ZKSCAN1: variants seen among roughly 807,000 people sequenced by gnomAD.
ZKSCAN1 encodes zinc finger with KRAB and SCAN domains 1, also known as zinc finger protein with KRAB and SCAN domains 1.
Under a neutral mutation model 51.6 loss-of-function variants are expected in ZKSCAN1, and 14 were observed. That is an observed-to-expected ratio of 0.27 (90% CI 0.18 to 0.42). ZKSCAN1 has a LOEUF of 0.42. Ranked by LOEUF, ZKSCAN1 falls within the 10% of genes least tolerant of loss-of-function variation. The probability of loss-of-function intolerance (pLI) is 1.00; values close to 1 mark genes in which losing one functional copy is unlikely to be tolerated. For missense variants in ZKSCAN1, 531 were observed against 710.0 expected (o/e 0.75, Z 2.86); for synonymous variants, 263 against 261.5 (o/e 1.01, Z -0.06).
chr7:100,030,255 G>C lies in ZKSCAN1; in HGVS notation c.679G>C (p.Val227Leu). The change falls in exon 5 of 6, where the codon GTG becomes CTG. Residue 227 changes from valine to leucine, a missense_variant. Physicochemically the swap from Val to Leu is conservative, Grantham distance 32 (BLOSUM62 1). Around this residue, in one of 2 missense-constraint regions of ZKSCAN1, gnomAD observed 403 missense variants for 490.5 expected, o/e 0.82. Transcript: ENST00000324306. ...ALFTADSQAM[V>L]KIEDMAVSLI... ...TTGTCTCGTGTTATTTTAGGCAATGGTGAAGATCGAGGACATGGCTGTGTC... is the reference window on the plus strand; with the variant it reads ...TTGTCTCGTGTTATTTTAGGCAATGCTGAAGATCGAGGACATGGCTGTGTC... 6.2e-7 allele frequency: 1 copy of C among 1,614,038 alleles called. No homozygotes were observed. Among genetic ancestry groups the C allele is most frequent in the Non-Finnish European group, 8.5e-7 (1 of 1,179,956 alleles).
Position 100,040,551 on chromosome 7 carries a change from G to C in ZKSCAN1, c.*6354G>C. The C allele has an allele frequency of 1.0e-6, 1 of 985,444 alleles. No homozygotes were observed. Among genetic ancestry groups the C allele is most frequent in the Non-Finnish European group, 1.2e-6 (1 of 829,932 alleles). 61.0% of individuals were successfully genotyped at this position (985,444 alleles called of 1,614,324 possible). ...GATTTCATTCCAGTGTCAGGTTTGG[G>C]TTTTAAGTTCCTTTGGTCCAGGGAA... On this transcript the variant is annotated 3_prime_UTR_variant, in exon 6 of 6. Coordinates refer to ENST00000324306, the MANE Select transcript of ZKSCAN1 (RefSeq NM_003439.4).
At chr7:100,016,661 TC>T (rs1352399277) in intron 1 of ZKSCAN1, among the ~76,000 whole-genome samples, 1 of 152,156 alleles carries the variant, frequency 6.6e-6, no homozygotes, top group Non-Finnish European at 1.5e-5. Flanking sequence ...ATCCCTCCCC[TC>T]CCTTTCCTGC....
Position 100,033,386 on chromosome 7 carries a change from C to A in ZKSCAN1, c.881C>A (p.Thr294Lys), listed in dbSNP as rs1791199396. 6.2e-7 allele frequency: 1 copy of A among 1,613,872 alleles called. No individual in the cohort carries two copies. The highest frequency in any genetic ancestry group is 8.5e-7 in the Non-Finnish European group (1 of 1,180,018). The part of the protein sequence containing the change: ...SEDSASRGET[T>K]GRSQKEFGEK... ...GATTCAGCATCACGCGGGGAGACAA[C>A]AGGAAGATCCCAGAAAGAGTTTGGA... The change falls in exon 6 of 6, where the codon ACA (threonine) becomes AAA (lysine). Residue 294 changes from threonine to lysine, a missense_variant. By Grantham distance (78) the Thr-to-Lys change is moderately conservative. Coordinates refer to ENST00000324306, the MANE Select transcript of ZKSCAN1 (RefSeq NM_003439.4). The surrounding 1 kb of genome is among the most constrained non-coding windows in gnomAD (Gnocchi z 4.1).
intron 1 of ZKSCAN1, among the ~76,000 whole-genome samples, chr7:100,020,873 C>T (rs960677896): frequency 1.4e-4 from 21 of 152,096 alleles, no homozygotes; most frequent in Admixed American, 2.0e-4. Context: ...AGAATAAATT[C>T]AGAAAGATTT....
At chr7:100,022,716 C>T (rs1039637919) in intron 1 of ZKSCAN1, among the ~76,000 whole-genome samples, 3 of 152,152 alleles carry the variant, frequency 2.0e-5, no homozygotes, top group African/African-American at 7.2e-5. Flanking sequence ...TCAGTTATGT[C>T]ATTTGTAAAA....
At chr7:100,031,228 A>G (rs1791088348) in intron 5 of ZKSCAN1, among the ~76,000 whole-genome samples, 1 of 151,320 alleles carries the variant, frequency 6.6e-6, no homozygotes, top group Non-Finnish European at 1.5e-5. Context: ...TCAGGCATAA[A>G]TGGGGCTTAT....
Position 100,024,483 on chromosome 7 carries a change from A to G in ZKSCAN1, c.580+176A>G, listed in dbSNP as rs1047086717. 6.4e-6 allele frequency: 5 copies of G among 784,344 alleles called. No homozygotes were observed. In the African/African-American group the frequency reaches 8.8e-5, roughly 14 times the overall value. 48.6% of individuals were successfully genotyped at this position (784,344 alleles called of 1,614,324 possible). ...GTGGCGCACACCTGTGATTCCAGCT[A>G]CGCAGGAGGCTGAGGTGGGAGGATT... On this transcript the variant is annotated intron_variant, in intron 3 of 5. Transcript: ENST00000324306.
At position 100,034,404 on chromosome 7, in the gene ZKSCAN1, G is replaced by A. The variant is rs2115945030; in HGVS notation, c.*207G>A. On this transcript the variant is annotated 3_prime_UTR_variant, in exon 6 of 6. Transcript: ENST00000324306. ...CTTCCACACAGCCCCTGCAGGGAAA[G>A]GCTAATCTTACGGATAATCCACGTG... The A allele has an allele frequency of 2.3e-6, 3 of 1,305,238 alleles. No homozygotes were observed. In the East Asian group the frequency reaches 8.6e-5, roughly 38 times the overall value. 80.9% of individuals were successfully genotyped at this position (1,305,238 alleles called of 1,614,324 possible).
chr7:100,026,909 TAAAA>T (rs567799272), intron 3 of ZKSCAN1, among the ~76,000 whole-genome samples: 1 of 151,928 alleles, frequency 6.6e-6, no homozygotes, highest in African/African-American at 2.4e-5. Flanking sequence ...TTTTTCTAGT[TAAAA>T]AAATTTTTAT....
downstream of ZKSCAN1, among the ~76,000 whole-genome samples, chr7:100,042,459 C>T (rs935493937): frequency 6.6e-6 from 1 of 151,970 alleles, no homozygotes; most frequent in African/African-American, 2.4e-5. Context: ...ATTCTCTGGA[C>T]ACCAACTGGG....
Position 100,035,220 on chromosome 7 carries a change from A to G in ZKSCAN1, c.*1023A>G, listed in dbSNP as rs941860069. 6.6e-6 allele frequency: 1 copy of G among 152,244 alleles called. No individual in the cohort carries two copies. Among genetic ancestry groups the G allele is most frequent in the Non-Finnish European group, 1.5e-5 (1 of 68,032 alleles). 9.4% of individuals were successfully genotyped at this position (152,244 alleles called of 1,614,324 possible). On this transcript the variant is annotated 3_prime_UTR_variant, in exon 6 of 6. Transcript: ENST00000324306. ...TCCCTGAAATATGGTAGCCTGGCCC[A>G]GCTTCTAAAGAGGACCTTCGTAGCC...
At position 100,021,728 on chromosome 7, in the gene ZKSCAN1, C is replaced by A. The variant is rs376827872; in HGVS notation, c.-88-1691C>A. ...AGTGTGTCCTGTAATTGCAGTTTCT[C>A]TATAAGAATCTTTTTTTTTTTTTTT... On this transcript the variant is annotated intron_variant, in intron 1 of 5. Transcript: ENST00000324306. Among the ~76,000 whole-genome samples the A allele has an allele frequency of 2.0e-5, 3 of 149,926 alleles. No homozygotes were observed. In the East Asian group the frequency reaches 5.9e-4, roughly 29 times the overall value.
At chr7:100,026,439 A>G (rs2115876360) in intron 3 of ZKSCAN1, among the ~76,000 whole-genome samples, 2 of 152,152 alleles carry the variant, frequency 1.3e-5, no homozygotes, top group East Asian at 3.9e-4. Context: ...TTTCTTCAAT[A>G]ATAAATCAGC....
downstream of ZKSCAN1, among the ~76,000 whole-genome samples, chr7:100,042,908 T>C (rs1198116119): frequency 2.0e-5 from 3 of 151,600 alleles, no homozygotes; most frequent in Non-Finnish European, 4.4e-5. Flanking sequence ...CGCCATTCTC[T>C]TGCCTCAGCC....
Position 100,034,536 on chromosome 7 carries a change from G to A in ZKSCAN1, c.*339G>A, listed in dbSNP as rs2115946034. ...GACTCTCGGCAACCACAACATAATA[G>A]TTGAAAGATCAAGATTGGCTCCACG... On this transcript the variant is annotated 3_prime_UTR_variant, in exon 6 of 6. Transcript: ENST00000324306. 9.8e-7 allele frequency: 1 copy of A among 1,022,748 alleles called. No individual in the cohort carries two copies. The highest frequency in any genetic ancestry group is 1.2e-6 in the Non-Finnish European group (1 of 854,200). The allele number at this position is 1,022,748 out of a possible 1,614,324, so 63.4% of individuals were successfully genotyped here.
intron 1 of ZKSCAN1, among the ~76,000 whole-genome samples, chr7:100,016,439 G>T (rs1202691895): frequency 6.6e-6 from 1 of 152,134 alleles, no homozygotes; most frequent in African/African-American, 2.4e-5. Flanking sequence ...GACATGGAGT[G>T]GGGTGAGAAG....
chr7:100,016,191 A>G (rs1325711358), intron 1 of ZKSCAN1, among the ~76,000 whole-genome samples: 1 of 152,064 alleles, frequency 6.6e-6, no homozygotes, highest in East Asian at 1.9e-4. Flanking sequence ...TGAGAGATGG[A>G]CACATTTTGA....
intron 5 of ZKSCAN1, among the ~76,000 whole-genome samples, chr7:100,030,633 T>C (rs974344812): frequency 1.6e-4 from 25 of 152,200 alleles, no homozygotes; most frequent in Admixed American, 6.6e-5. Flanking sequence ...TTCCAAGTCC[T>C]CACCTCTTCA....
In ZKSCAN1 at chr7:100,033,606, T is replaced by C; in HGVS notation, c.1101T>C (p.Pro367=). ...SFSLSSNFTT[P]EEVPTGTKSH... is the part of the protein sequence containing the mutation. Reference sequence around the variant, plus strand: ...GTCTGAGCTCCAACTTCACCACCCCTGAAGAAGTTCCCACGGGAACAAAGT... The same window carrying C: ...GTCTGAGCTCCAACTTCACCACCCCCGAAGAAGTTCCCACGGGAACAAAGT... The change falls in exon 6 of 6, where the codon CCT becomes CCC. Residue 367 remains proline (P), a synonymous_variant. Transcript: ENST00000324306. This position sits in a 1 kb window ranked among gnomAD's most constrained non-coding sequence, Gnocchi z 4.1. The C allele has an allele frequency of 6.2e-7, 1 of 1,614,212 alleles. No individual in the cohort carries two copies. Among genetic ancestry groups the C allele is most frequent in the Non-Finnish European group, 8.5e-7 (1 of 1,180,040 alleles).
Sources: gnomAD v4.1 joint callset for allele counts (sites outside exome capture counted in the v4.1 genomes callset) on GRCh38, gnomAD v4.1.1 for gene constraint, gnomAD v4.1.1 regional missense constraint, Gnocchi (gnomAD v3.1) non-coding constraint, MANE v1.5 for transcripts, NCBI Gene and HGNC (gene_info 2026-07-23, HGNC 2026-07-21) for gene names.